LRMDA: variants seen among roughly 807,000 people sequenced by gnomAD.
LRMDA encodes the protein leucine rich melanocyte differentiation associated, also known as leucine-rich melanocyte differentiation-associated protein.
Under a neutral mutation model 29.8 loss-of-function variants are expected in LRMDA, and 18 were observed. The ratio of observed to expected loss-of-function variants is 0.60; its 90% CI spans 0.42 to 0.90. The LOEUF (loss-of-function observed/expected upper bound fraction) is 0.90, where lower values mean the gene tolerates loss of function less well. Among genes scored for constraint, LRMDA ranks in the 40% least tolerant of loss-of-function variants. LRMDA has a pLI of 0.00. For synonymous variants in LRMDA, 125 were observed against 109.4 expected (o/e 1.14, Z -0.89); for missense variants, 273 against 273.9 (o/e 1.00, Z 0.02).
chr10:76,021,165 T>G (rs986221656), intron 2 of LRMDA, among the ~76,000 whole-genome samples: 2 of 152,188 alleles, frequency 1.3e-5, no homozygotes, highest in African/African-American at 4.8e-5. Flanking sequence ...GTAGAGAAAG[T>G]GTTCAAATAG....
chr10:75,533,789 G>T (rs938011607), intron 2 of LRMDA, among the ~76,000 whole-genome samples: 1 of 152,082 alleles, frequency 6.6e-6, no homozygotes, highest in Non-Finnish European at 1.5e-5. Context: ...AGGAGAGAGA[G>T]AGTCAACGAT....
At chr10:75,937,878 T>C (rs1348813945) in intron 2 of LRMDA, among the ~76,000 whole-genome samples, 1 of 152,212 alleles carries the variant, frequency 6.6e-6, no homozygotes, top group East Asian at 1.9e-4. Context: ...AATGACATAA[T>C]ACATTATCCT....
chr10:76,230,900 A>G (rs915991923), intron 5 of LRMDA, among the ~76,000 whole-genome samples: 1 of 152,246 alleles, frequency 6.6e-6, no homozygotes, highest in African/African-American at 2.4e-5. Flanking sequence ...TTATGTGTAA[A>G]TGAACTTGTT....
chr10:76,141,797 T>A (rs1850206219), intron 5 of LRMDA, among the ~76,000 whole-genome samples: 1 of 151,880 alleles, frequency 6.6e-6, no homozygotes, highest in Admixed American at 6.6e-5. Flanking sequence ...AACCATAGAG[T>A]TTTACCTGTA....
chr10:76,274,951 G>T (rs1360597042), intron 5 of LRMDA, among the ~76,000 whole-genome samples: 1 of 152,016 alleles, frequency 6.6e-6, no homozygotes, highest in African/African-American at 2.4e-5. Flanking sequence ...TAGTTGTTTA[G>T]TGTTGGCTCC....
intron 2 of LRMDA, among the ~76,000 whole-genome samples, chr10:75,565,104 C>G (rs1489442656): frequency 3.3e-5 from 5 of 152,184 alleles, no homozygotes; most frequent in African/African-American, 7.2e-5. Flanking sequence ...AGATTTTCTA[C>G]TCAACTCTAG....
intron 2 of LRMDA, among the ~76,000 whole-genome samples, chr10:75,766,757 A>C (rs754828223): frequency 6.6e-6 from 1 of 152,048 alleles, no homozygotes; most frequent in Non-Finnish European, 1.5e-5. Flanking sequence ...TAAGCCCCGC[A>C]TGCATTAGGT....
chr10:75,519,230 A>G (rs1373011175), intron 2 of LRMDA, among the ~76,000 whole-genome samples: 1 of 152,238 alleles, frequency 6.6e-6, no homozygotes, highest in Non-Finnish European at 1.5e-5. Flanking sequence ...CAATTGGTCC[A>G]GAGCTGAGTT....
At chr10:76,030,597 T>C (rs1414659172) in intron 2 of LRMDA, among the ~76,000 whole-genome samples, 1 of 152,202 alleles carries the variant, frequency 6.6e-6, no homozygotes, top group African/African-American at 2.4e-5. Flanking sequence ...GAGACCATCC[T>C]GGCCAACATG....
chr10:76,405,461 G>C (rs1841892769), intron 6 of LRMDA, among the ~76,000 whole-genome samples: 1 of 152,190 alleles, frequency 6.6e-6, no homozygotes, highest in South Asian at 2.1e-4. Context: ...AGCAAATGCA[G>C]CCCTGCCAGG....
chr10:76,130,703 A>G (rs1207472486), intron 5 of LRMDA, among the ~76,000 whole-genome samples: 2 of 152,016 alleles, frequency 1.3e-5, no homozygotes, highest in East Asian at 3.9e-4. Flanking sequence ...CTTGTTACCC[A>G]GGCTGGAGTG....
At chr10:76,002,624 GCAT>G (rs1392847855) in intron 2 of LRMDA, among the ~76,000 whole-genome samples, 1 of 152,174 alleles carries the variant, frequency 6.6e-6, no homozygotes, top group Non-Finnish European at 1.5e-5. Flanking sequence ...TCATGTGAGG[GCAT>G]CTTTAATGAA....
chr10:75,825,369 A>C (rs1465489477), intron 2 of LRMDA, among the ~76,000 whole-genome samples: 2 of 152,358 alleles, frequency 1.3e-5, no homozygotes, highest in East Asian at 3.9e-4. Context: ...ATTCAGAATG[A>C]ATTATAGGGC....
chr10:76,111,664 A>G (rs1849580740), intron 5 of LRMDA, among the ~76,000 whole-genome samples: 1 of 152,366 alleles, frequency 6.6e-6, no homozygotes, highest in South Asian at 2.1e-4. Context: ...TTAACACACA[A>G]GAAAACTTTA....
chr10:76,034,090 A>G (rs1162649451), intron 2 of LRMDA, among the ~76,000 whole-genome samples: 3 of 152,212 alleles, frequency 2.0e-5, no homozygotes, highest in Non-Finnish European at 4.4e-5. Flanking sequence ...CAGATGGGCT[A>G]TTGACAGGCC....
intron 2 of LRMDA, among the ~76,000 whole-genome samples, chr10:75,739,802 G>T (rs193038963): frequency 6.6e-6 from 1 of 152,090 alleles, no homozygotes; most frequent in Non-Finnish European, 1.5e-5. Flanking sequence ...AGTGTCTGTC[G>T]GTAATTTATC....
intron 5 of LRMDA, among the ~76,000 whole-genome samples, chr10:76,192,338 C>T (rs1851261203): frequency 6.6e-6 from 1 of 152,126 alleles, no homozygotes; most frequent in Non-Finnish European, 1.5e-5. Context: ...TCCCAACTGT[C>T]CAGTTCTTTA....
intron 2 of LRMDA, among the ~76,000 whole-genome samples, chr10:75,678,557 A>G (rs551686160): frequency 1.3e-5 from 2 of 152,084 alleles, no homozygotes; most frequent in African/African-American, 4.8e-5. Context: ...TGCATTTTTT[A>G]TGAAGGTAAT....
intron 2 of LRMDA, among the ~76,000 whole-genome samples, chr10:75,925,996 A>G (rs1421723166): frequency 6.6e-6 from 1 of 152,190 alleles, no homozygotes; most frequent in African/African-American, 2.4e-5. Flanking sequence ...TGTGCAGAGA[A>G]GGAAACTGAG....
Sources: gnomAD v4.1 joint callset for allele counts (sites outside exome capture counted in the v4.1 genomes callset) on GRCh38, gnomAD v4.1.1 for gene constraint, MANE v1.5 for transcripts, NCBI Gene and HGNC (gene_info 2026-07-23, HGNC 2026-07-21) for gene names.